CNOT1: variants seen among roughly 807,000 people sequenced by gnomAD.
CNOT1 encodes the protein CCR4-associated factor 1.
A neutral mutation model predicts 273.8 loss-of-function variants in CNOT1; 15 were observed. The observed-to-expected ratio is 0.05, with a 90% confidence interval of 0.04 to 0.08. The LOEUF (loss-of-function observed/expected upper bound fraction) is 0.08. Among genes scored for constraint, CNOT1 ranks in the 10% least tolerant of loss-of-function variants. The pLI, the probability that CNOT1 is intolerant of heterozygous loss-of-function variation, is 1.00. For synonymous variants in CNOT1, 1,022 were observed against 1,005.5 expected, an observed-to-expected ratio of 1.02 and a Z score of -0.31; for missense variants, 1,644 against 2,912.2, an observed-to-expected ratio of 0.56 and a Z score of 10.02.
intron 14 of CNOT1, 152 bp downstream of exon 14, chr16:58,576,311 T>C (rs970832427): frequency 2.3e-5 from 24 of 1,051,470 alleles, no homozygotes; most frequent in African/African-American, 3.2e-5. Flanking sequence ...TGTTTCACCA[T>C]GTTTTGGTCA....
chr16:58,520,734 T>C lies in CNOT1; in HGVS notation c.*224A>G. The C allele has an allele frequency of 3.5e-6, 2 of 564,148 alleles. No homozygotes were observed. The highest frequency in any genetic ancestry group is 6.3e-6 in the Non-Finnish European group (2 of 315,300). 34.9% of individuals were successfully genotyped at this position (564,148 alleles called of 1,614,324 possible). On this transcript the variant is annotated 3_prime_UTR_variant, in exon 49 of 49. Coordinates refer to ENST00000317147, the MANE Select transcript of CNOT1 (RefSeq NM_016284.5). Reference sequence around the variant, plus strand: ...TATTTACACAAGTTCAAAATGATATTCACAGCATCTTCTAAATTTTGGCCA... The same window carrying C: ...TATTTACACAAGTTCAAAATGATATCCACAGCATCTTCTAAATTTTGGCCA...
chr16:58,620,754 G>A (rs74020120), intron 1 of CNOT1, among the ~76,000 whole-genome samples: 1,690 of 151,404 alleles, frequency 0.011, 35 homozygotes, highest in African/African-American at 0.04. Context: ...CCACAGGGAA[G>A]GAGGAATCAA....
chr16:58,552,625 C>T (rs1160044494), intron 22 of CNOT1, among the ~76,000 whole-genome samples: 1 of 152,198 alleles, frequency 6.6e-6, no homozygotes, highest in Non-Finnish European at 1.5e-5. Flanking sequence ...TAAGTCATTA[C>T]AATAACCCTG....
chr16:58,606,384 G>C (rs553333865), intron 1 of CNOT1, among the ~76,000 whole-genome samples: 5 of 70,744 alleles, frequency 7.1e-5, no homozygotes, highest in African/African-American at 3.7e-4. Context: ...GTGAGACCCC[G>C]TCCCTTAAAA....
At chr16:58,534,658 C>T (rs1233534810) in intron 39 of CNOT1, among the ~76,000 whole-genome samples, 1 of 152,034 alleles carries the variant, frequency 6.6e-6, no homozygotes, top group Non-Finnish European at 1.5e-5. Context: ...ACAGTAGGTC[C>T]CCACCAAATA....
At chr16:58,536,003 G>T (rs37064) in intron 39 of CNOT1, among the ~76,000 whole-genome samples, 2 of 151,970 alleles carry the variant, frequency 1.3e-5, no homozygotes, top group African/African-American at 2.4e-5. Flanking sequence ...CAAAGTGCTG[G>T]GATTACAGGC....
At chr16:58,557,127 T>C (rs1418746353) in intron 18 of CNOT1, 134 bp from the exon 19 acceptor site, 3 of 1,231,190 alleles carry the variant, frequency 2.4e-6, no homozygotes, top group African/African-American at 3.1e-5. Context: ...TCAGAGTCTT[T>C]GTTAATTCCC....
At chr16:58,572,090 C>A (rs1162272879) in intron 16 of CNOT1, among the ~76,000 whole-genome samples, 1 of 152,068 alleles carries the variant, frequency 6.6e-6, no homozygotes, top group Non-Finnish European at 1.5e-5. Flanking sequence ...TCGAGACCTG[C>A]CTGACCAACA....
intron 1 of CNOT1, among the ~76,000 whole-genome samples, chr16:58,611,071 G>A (rs1289629125): frequency 1.3e-5 from 2 of 151,886 alleles, no homozygotes; most frequent in East Asian, 1.9e-4. Flanking sequence ...TGATTCCTAA[G>A]CACCACCCAA....
chr16:58,596,758 A>G (rs546606428), intron 2 of CNOT1, among the ~76,000 whole-genome samples: 56 of 151,872 alleles, frequency 3.7e-4, no homozygotes, highest in African/African-American at 1.3e-3. Context: ...TGTGGTGGCG[A>G]GCGACTGTAG....
At chr16:58,603,856 CAT>C (rs1484358178) in intron 1 of CNOT1, among the ~76,000 whole-genome samples, 2 of 152,250 alleles carry the variant, frequency 1.3e-5, no homozygotes, top group South Asian at 4.1e-4. Context: ...TTTTCCACAT[CAT>C]ATAAACTAAC....
intron 1 of CNOT1, among the ~76,000 whole-genome samples, chr16:58,616,905 A>T (rs1210085678): frequency 6.6e-6 from 1 of 152,206 alleles, no homozygotes; most frequent in Non-Finnish European, 1.5e-5. Flanking sequence ...AAGAATAAGT[A>T]AATCTAAAGT....
intron 1 of CNOT1, among the ~76,000 whole-genome samples, chr16:58,609,705 C>T (rs1230861520): frequency 1.3e-5 from 2 of 152,028 alleles, no homozygotes; most frequent in Non-Finnish European, 2.9e-5. Context: ...TCAAGTAATC[C>T]TCCCACCTCA....
chr16:58,560,106 G>A (rs569630825), intron 17 of CNOT1, 106 bp downstream of exon 17: 2 of 1,535,872 alleles, frequency 1.3e-6, no homozygotes, highest in African/African-American at 1.4e-5. Flanking sequence ...TAGACATGCA[G>A]TTATCTAAAA....
intron 1 of CNOT1, among the ~76,000 whole-genome samples, chr16:58,612,243 T>A (rs777687794): frequency 6.6e-6 from 1 of 152,140 alleles, no homozygotes; most frequent in African/African-American, 2.4e-5. Flanking sequence ...AGAAGACAAG[T>A]AGGCAAGACC....
chr16:58,600,498 T>C (rs988301019), intron 1 of CNOT1, among the ~76,000 whole-genome samples: 5 of 152,116 alleles, frequency 3.3e-5, no homozygotes, highest in African/African-American at 1.2e-4. Context: ...TCATCTCTCA[T>C]TTTCAGACTC....
chr16:58,583,362 G>A (rs1023144507), intron 8 of CNOT1, among the ~76,000 whole-genome samples, 180 bp from the exon 9 acceptor site: 2 of 152,156 alleles, frequency 1.3e-5, no homozygotes, highest in Admixed American at 6.5e-5. Context: ...ATCTACTTCA[G>A]TAAGAAAATG....
intron 41 of CNOT1, 66 bp downstream of exon 41, chr16:58,532,166 T>C: frequency 6.2e-7 from 1 of 1,605,806 alleles, no homozygotes; most frequent in Non-Finnish European, 8.5e-7. Flanking sequence ...TCAAGAGTTC[T>C]ACTCCCAAAA....
At chr16:58,536,862 A>C (rs2039945323) in intron 39 of CNOT1, 127 bp downstream of exon 39, 1 of 1,396,956 alleles carries the variant, frequency 7.2e-7, no homozygotes, top group Admixed American at 2.8e-5. Flanking sequence ...TAATGATGAC[A>C]GTTTGGGTTT....
Sources: allele counts gnomAD v4.1 joint callset (sites outside exome capture counted in the v4.1 genomes callset), GRCh38; gene constraint gnomAD v4.1.1; transcripts MANE v1.5; gene names NCBI Gene and HGNC (gene_info 2026-07-23, HGNC 2026-07-21).